GNB1: variants seen among roughly 807,000 people sequenced by gnomAD.
The protein encoded by GNB1 is G protein subunit beta 1.
In GNB1, 2 loss-of-function variants were observed where a neutral mutation model predicts 42.9. That is an observed-to-expected ratio of 0.05 (90% confidence interval 0.02 to 0.15). The LOEUF (loss-of-function observed/expected upper bound fraction) is 0.15. GNB1 is among the 10% of genes least tolerant of loss of function. The pLI is 1.00. For synonymous variants in GNB1, 183 were observed against 174.7 expected (o/e 1.05, Z -0.38); for missense variants, 193 against 462.2 (o/e 0.42, Z 5.34).
chr1:1,854,029 C>A (rs1648127897), intron 1 of GNB1, among the ~76,000 whole-genome samples: 3 of 152,196 alleles, frequency 2.0e-5, no homozygotes, highest in Admixed American at 2.0e-4. Context: ...AATCATGTGC[C>A]AGGCACCACA....
At chr1:1,830,283 T>C (rs960238870) in intron 2 of GNB1, among the ~76,000 whole-genome samples, 33 of 151,434 alleles carry the variant, frequency 2.2e-4, no homozygotes, top group Non-Finnish European at 4.3e-4. Flanking sequence ...TTTTTTGAGA[T>C]GGAGTCTTGC....
chr1:1,849,762 A>G (rs1454180411), intron 1 of GNB1, among the ~76,000 whole-genome samples: 2 of 152,086 alleles, frequency 1.3e-5, no homozygotes, highest in Middle Eastern at 3.2e-3. Flanking sequence ...CAGCAGTTTG[A>G]CTATAATGTG....
chr1:1,870,924 CTCAAAAAAATAA>C (rs2101772201), intron 1 of GNB1, among the ~76,000 whole-genome samples: 1 of 152,120 alleles, frequency 6.6e-6, no homozygotes, highest in African/African-American at 2.4e-5. Context: ...GAGACTCCAT[CTCAAAAAAATAA>C]ACAATAAAAT....
At chr1:1,818,700 T>C (rs923595885) in intron 3 of GNB1, among the ~76,000 whole-genome samples, 1 of 151,768 alleles carries the variant, frequency 6.6e-6, no homozygotes, top group Non-Finnish European at 1.5e-5. Context: ...CCATCTCTAC[T>C]AAAAATACAA....
chr1:1,868,048 T>C (rs1649040600), intron 1 of GNB1, among the ~76,000 whole-genome samples: 2 of 152,236 alleles, frequency 1.3e-5, no homozygotes, highest in South Asian at 4.1e-4. Flanking sequence ...AGTGACATCT[T>C]GAAAATATTC....
chr1:1,858,920 G>A (rs893784330), intron 1 of GNB1, among the ~76,000 whole-genome samples: 3 of 152,132 alleles, frequency 2.0e-5, no homozygotes, highest in Admixed American at 6.6e-5. Flanking sequence ...GGGGTGGGAC[G>A]GAGTCCAATC....
intron 1 of GNB1, among the ~76,000 whole-genome samples, chr1:1,845,998 T>A (rs1198688657): frequency 8.2e-6 from 1 of 121,516 alleles, no homozygotes; most frequent in African/African-American, 2.5e-5. Context: ...CTCTGAGAAA[T>A]CACTCCCTCA....
chr1:1,807,145 A>T (rs1470432831), intron 5 of GNB1, among the ~76,000 whole-genome samples: 1 of 152,144 alleles, frequency 6.6e-6, no homozygotes, highest in African/African-American at 2.4e-5. Context: ...ACAGGCTGAC[A>T]TCATTTCATA....
intron 1 of GNB1, among the ~76,000 whole-genome samples, chr1:1,851,317 G>A (rs1189107461): frequency 6.6e-6 from 1 of 152,052 alleles, no homozygotes; most frequent in African/African-American, 2.4e-5. Flanking sequence ...GGCTGAGGCA[G>A]GAGAATCGCT....
chr1:1,845,281 T>C (rs1647570290), intron 1 of GNB1, among the ~76,000 whole-genome samples: 1 of 152,176 alleles, frequency 6.6e-6, no homozygotes, highest in South Asian at 2.1e-4. Context: ...GGCATAATAA[T>C]GCTTAAAGTA....
chr1:1,793,492 G>C, intron 7 of GNB1, 181 bp from the exon 8 acceptor site: 1 of 486,064 alleles, frequency 2.1e-6, no homozygotes, highest in Non-Finnish European at 3.9e-6. Flanking sequence ...CTGCTGGTGA[G>C]GGTGAGAGCC....
chr1:1,804,335 G>C, intron 7 of GNB1, 84 bp downstream of exon 7: 3 of 838,026 alleles, frequency 3.6e-6, no homozygotes, highest in Non-Finnish European at 5.8e-6. Context: ...AAAAATGATT[G>C]ATAAAAAGTG....
At chr1:1,855,120 C>A (rs896206573) in intron 1 of GNB1, among the ~76,000 whole-genome samples, 1 of 150,370 alleles carries the variant, frequency 6.7e-6, no homozygotes, top group Non-Finnish European at 1.5e-5. Flanking sequence ...GATAGCTCCA[C>A]TGCACTCCAG....
intron 1 of GNB1, among the ~76,000 whole-genome samples, chr1:1,842,500 G>C (rs1017511619): frequency 2.7e-5 from 4 of 150,686 alleles, no homozygotes; most frequent in Non-Finnish European, 5.9e-5. Flanking sequence ...TCACAAATAT[G>C]CTAAGTGACA....
intron 3 of GNB1, among the ~76,000 whole-genome samples, chr1:1,819,298 C>T (rs150399609): frequency 0.017 from 2,612 of 151,670 alleles, 86 homozygotes; most frequent in African/African-American, 0.059. Context: ...CTCAGCTCAC[C>T]GCAGCCTCCG....
intron 1 of GNB1, among the ~76,000 whole-genome samples, chr1:1,861,890 C>T (rs376104897): frequency 1.8e-4 from 28 of 152,266 alleles, no homozygotes; most frequent in African/African-American, 6.3e-4. Flanking sequence ...TACAGGATAA[C>T]TGGCCTGTAC....
At chr1:1,804,686 C>A in intron 6 of GNB1, 105 bp from the exon 7 acceptor site, 1 of 855,312 alleles carries the variant, frequency 1.2e-6, no homozygotes, top group South Asian at 1.8e-5. Flanking sequence ...GGTAACAGAA[C>A]AAAATAAGAG....
rs952819560 is a variant in GNB1 at position 1,799,064 on chromosome 1, G to C, written c.430+5355C>G. ...GCCTTTTGAGTAGCTGGGACTACAGGTGCCCGCCACCTCGCCCGGCTAATT... is the reference window on the plus strand; with the variant it reads ...GCCTTTTGAGTAGCTGGGACTACAGCTGCCCGCCACCTCGCCCGGCTAATT... On this transcript the variant is annotated intron_variant, in intron 7 of 11. Transcript: ENST00000378609. 2.0e-5 allele frequency among the ~76,000 whole-genome samples: 3 copies of C among 152,228 alleles called. 1 individual carries two copies. The South Asian group carries it at 6.2e-4, about 32-fold the overall frequency.
chr1:1,867,250 C>T (rs1164182255), intron 1 of GNB1, among the ~76,000 whole-genome samples: 1 of 152,090 alleles, frequency 6.6e-6, no homozygotes, highest in Non-Finnish European at 1.5e-5. Context: ...CTGGCAAGAG[C>T]GAAACTCCAC....
Sources: gnomAD v4.1 joint callset for allele counts (sites outside exome capture counted in the v4.1 genomes callset) on GRCh38, gnomAD v4.1.1 for gene constraint, MANE v1.5 for transcripts, NCBI Gene and HGNC (gene_info 2026-07-23, HGNC 2026-07-21) for gene names.